UBE2E2: variants seen among roughly 807,000 people sequenced by gnomAD.
The protein encoded by UBE2E2 is ubiquitin conjugating enzyme E2 E2.
Under a neutral mutation model 24.7 loss-of-function variants are expected in UBE2E2, and 6 were observed. That is an observed-to-expected ratio of 0.24 (90% confidence interval 0.13 to 0.48). The LOEUF (loss-of-function observed/expected upper bound fraction) is 0.48. UBE2E2 is among the 20% of genes least tolerant of loss of function. UBE2E2 has a pLI of 0.99. For missense variants in UBE2E2, 169 were observed against 245.0 expected (o/e 0.69, Z 2.07); for synonymous variants, 104 against 83.6 (o/e 1.24, Z -1.33).
intron 3 of UBE2E2, among the ~76,000 whole-genome samples, chr3:23,498,321 T>A (rs1233741537): frequency 7.9e-5 from 12 of 152,182 alleles, no homozygotes; most frequent in Non-Finnish European, 7.3e-5. Flanking sequence ...AAATCCAGTT[T>A]CTCTGTTTTT....
intron 3 of UBE2E2, among the ~76,000 whole-genome samples, chr3:23,331,506 G>A (rs1695056633): frequency 6.6e-6 from 1 of 151,254 alleles, no homozygotes; most frequent in African/African-American, 2.5e-5. Context: ...GATGGGGGCA[G>A]GGAGGGGGGT....
At chr3:23,458,962 T>C (rs1698743286) in intron 3 of UBE2E2, among the ~76,000 whole-genome samples, 4 of 152,188 alleles carry the variant, frequency 2.6e-5, no homozygotes, top group African/African-American at 9.7e-5. Context: ...AATCAGAAAG[T>C]AAGGTCATCA....
chr3:23,481,896 A>G (rs1219157061), intron 3 of UBE2E2, among the ~76,000 whole-genome samples: 3 of 152,234 alleles, frequency 2.0e-5, no homozygotes, highest in African/African-American at 7.2e-5. Flanking sequence ...TGTTTTGCTT[A>G]CAAAGAGAAG....
chr3:23,566,085 C>CT (rs1696067256), intron 5 of UBE2E2, among the ~76,000 whole-genome samples: 1 of 152,148 alleles, frequency 6.6e-6, no homozygotes. Flanking sequence ...TGTATTTTCC[C>CT]TTTTTTGCAG....
chr3:23,533,084 A>G (rs1266514130), intron 5 of UBE2E2, among the ~76,000 whole-genome samples: 1 of 152,222 alleles, frequency 6.6e-6, no homozygotes, highest in Non-Finnish European at 1.5e-5. Context: ...TTAAAATCTG[A>G]TAACAACCAG....
intron 3 of UBE2E2, among the ~76,000 whole-genome samples, chr3:23,224,679 CTACT>C (rs910733852): frequency 2.6e-5 from 4 of 152,044 alleles, no homozygotes; most frequent in African/African-American, 9.7e-5. Context: ...GCCTTTGTTC[CTACT>C]TGTTACCAAA....
rs875442 is a variant in UBE2E2 at position 23,523,599 on chromosome 3, A to C, written c.361-8955A>C. Among the ~76,000 whole-genome samples, 1,063 of 127,040 alleles carry C rather than the reference A, an allele frequency of 8.4e-3. 10 individuals are homozygous for C. The highest frequency in any genetic ancestry group is 0.022 in the African/African-American group (750 of 33,570). 83.3% of individuals were successfully genotyped at this position (127,040 alleles called of 152,430 possible). On this transcript the variant is annotated intron_variant, in intron 4 of 5. Transcript: ENST00000396703. ...TCACTGCCAGTTATTCAAGGGCCAG[A>C]TAATATTCCTATGGGGTGGGGGGCT...
intron 4 of UBE2E2, among the ~76,000 whole-genome samples, chr3:23,519,393 T>C (rs1161796300): frequency 1.3e-5 from 2 of 152,188 alleles, no homozygotes; most frequent in East Asian, 1.9e-4. Context: ...TTAATAAAAG[T>C]ACCCTTTTTT....
intron 3 of UBE2E2, among the ~76,000 whole-genome samples, chr3:23,257,265 T>A (rs1046089682): frequency 4.6e-5 from 7 of 152,120 alleles, no homozygotes; most frequent in Non-Finnish European, 1.0e-4. Flanking sequence ...CAGGCTAAGA[T>A]CTTTCTTGGT....
At chr3:23,517,754 A>C (rs1694774834) in intron 4 of UBE2E2, among the ~76,000 whole-genome samples, 2 of 152,172 alleles carry the variant, frequency 1.3e-5, no homozygotes, top group Admixed American at 1.3e-4. Flanking sequence ...GGCACTATTT[A>C]TTTAAAAAGC....
intron 1 of UBE2E2, among the ~76,000 whole-genome samples, chr3:23,206,826 TAA>T (rs1319332599): frequency 3.9e-5 from 6 of 152,196 alleles, no homozygotes; most frequent in Non-Finnish European, 7.4e-5. Flanking sequence ...CCATTTGGAC[TAA>T]GTTATAGTAA....
At position 23,266,242 on chromosome 3, in the gene UBE2E2, C is replaced by T. The variant is rs533048450; in HGVS notation, c.227+48930C>T. Among the ~76,000 whole-genome samples, 244 of 152,266 alleles carry T rather than the reference C, an allele frequency of 1.6e-3. 1 individual carries two copies. Among genetic ancestry groups the T allele is most frequent in the African/African-American group, 4.0e-3 (168 of 41,546 alleles). Reference sequence around the variant, plus strand: ...AGTTGATGCAGTTTCTTCCTAGCCTCGATGGTCTTTACAATTTGGCATGAT... The same window carrying T: ...AGTTGATGCAGTTTCTTCCTAGCCTTGATGGTCTTTACAATTTGGCATGAT... On this transcript the variant is annotated intron_variant, in intron 3 of 5. Transcript: ENST00000396703.
chr3:23,525,915 A>C lies in UBE2E2; in HGVS notation c.361-6639A>C, dbSNP rs574030445. 2.6e-5 allele frequency among the ~76,000 whole-genome samples: 4 copies of C among 152,274 alleles called. No homozygotes were observed. In the East Asian group the frequency reaches 5.8e-4, roughly 22 times the overall value. Reference sequence around the variant, plus strand: ...TTCTGGCAGTTGCAAATTCTTTGCTATTTGTCACTATTCAAAACATTATTT... The same window carrying C: ...TTCTGGCAGTTGCAAATTCTTTGCTCTTTGTCACTATTCAAAACATTATTT... On this transcript the variant is annotated intron_variant, in intron 4 of 5. Transcript: ENST00000396703.
chr3:23,450,207 T>C (rs192955380), intron 3 of UBE2E2, among the ~76,000 whole-genome samples: 50 of 152,318 alleles, frequency 3.3e-4, no homozygotes, highest in Admixed American at 3.2e-3. Flanking sequence ...TAGAACTCAG[T>C]TAAGTGTGAT....
chr3:23,242,807 C>T (rs1317214306), intron 3 of UBE2E2, among the ~76,000 whole-genome samples: 1 of 152,042 alleles, frequency 6.6e-6, no homozygotes, highest in Non-Finnish European at 1.5e-5. Flanking sequence ...AGTTATCGGC[C>T]AGGCGCAGTG....
intron 3 of UBE2E2, among the ~76,000 whole-genome samples, chr3:23,497,397 C>T (rs1274499768): frequency 1.3e-5 from 2 of 152,142 alleles, no homozygotes; most frequent in Non-Finnish European, 2.9e-5. Flanking sequence ...ATTTTTGTCA[C>T]GTGGCATTTT....
chr3:23,268,983 G>C (rs1194531774), intron 3 of UBE2E2, among the ~76,000 whole-genome samples: 1 of 151,870 alleles, frequency 6.6e-6, no homozygotes, highest in Non-Finnish European at 1.5e-5. Flanking sequence ...ATGGTGCTGG[G>C]AAAACTGGCT....
At chr3:23,478,939 T>C (rs930535786) in intron 3 of UBE2E2, among the ~76,000 whole-genome samples, 1 of 151,940 alleles carries the variant, frequency 6.6e-6, no homozygotes, top group African/African-American at 2.4e-5. Flanking sequence ...ATGCCTGTGG[T>C]TCCAGCTACT....
chr3:23,366,310 G>A (rs773567422), intron 3 of UBE2E2, among the ~76,000 whole-genome samples: 12 of 152,064 alleles, frequency 7.9e-5, no homozygotes, highest in Non-Finnish European at 1.5e-4. Flanking sequence ...CCCTTTATTG[G>A]GTATATACCT....
Sources: gnomAD v4.1 joint callset for allele counts (sites outside exome capture counted in the v4.1 genomes callset) on GRCh38, gnomAD v4.1.1 for gene constraint, MANE v1.5 for transcripts, NCBI Gene and HGNC (gene_info 2026-07-23, HGNC 2026-07-21) for gene names.